Variants in MARCHF1 observed in about 807,000 individuals in gnomAD.
MARCHF1 encodes E3 ubiquitin-protein ligase MARCHF1.
A neutral mutation model predicts 54.2 loss-of-function variants in MARCHF1; 40 were observed. The ratio of observed to expected loss-of-function variants is 0.74; its 90% CI spans 0.57 to 0.96. MARCHF1 has a LOEUF of 0.96. Ranked by LOEUF, MARCHF1 falls within the 40% of genes least tolerant of loss-of-function variation. The pLI, the probability that MARCHF1 is intolerant of heterozygous loss-of-function variation, is 0.00. For synonymous variants in MARCHF1, 236 were observed against 236.3 expected (o/e 1.00, Z 0.01); for missense variants, 586 against 656.5 (o/e 0.89, Z 1.17).
intron 3 of MARCHF1, among the ~76,000 whole-genome samples, chr4:163,905,294 G>A (rs564493693): frequency 5.3e-5 from 8 of 151,962 alleles, no homozygotes; most frequent in African/African-American, 1.7e-4. Flanking sequence ...AATACTTATC[G>A]AGTGCCCAAT....
intron 1 of MARCHF1, among the ~76,000 whole-genome samples, chr4:164,211,010 T>C (rs2111117537): frequency 6.6e-6 from 1 of 151,714 alleles, no homozygotes; most frequent in Middle Eastern, 3.4e-3. Flanking sequence ...AAGAGTAAAA[T>C]TCATAAAAGC....
intron 1 of MARCHF1, among the ~76,000 whole-genome samples, chr4:164,263,620 A>T (rs202198022): frequency 3.5e-5 from 3 of 85,380 alleles, no homozygotes; most frequent in Non-Finnish European, 9.8e-5. Context: ...TTAATAATAA[A>T]AACATTTCGA....
intron 5 of MARCHF1, among the ~76,000 whole-genome samples, chr4:163,676,938 G>A (rs1743939396): frequency 6.6e-6 from 1 of 151,748 alleles, no homozygotes; most frequent in South Asian, 2.1e-4. Context: ...AAAAAGCCAG[G>A]GTAGTGATTT....
chr4:163,847,267 C>T (rs868109589), intron 4 of MARCHF1, among the ~76,000 whole-genome samples: 1 of 151,782 alleles, frequency 6.6e-6, no homozygotes, highest in African/African-American at 2.4e-5. Context: ...AATACATCTA[C>T]TCTACTTTGA....
intron 1 of MARCHF1, among the ~76,000 whole-genome samples, chr4:164,179,402 A>AAG (rs765205415): frequency 0.15 from 22,092 of 152,144 alleles, 2,148 homozygotes; most frequent in African/African-American, 0.26. Flanking sequence ...AAAGTATGTA[A>AAG]TACTTGAACA....
At chr4:163,980,482 A>G (rs1285271488) in intron 3 of MARCHF1, among the ~76,000 whole-genome samples, 2 of 151,784 alleles carry the variant, frequency 1.3e-5, no homozygotes, top group African/African-American at 4.8e-5. Flanking sequence ...CCAAAACACC[A>G]AAAGCAATGG....
At chr4:164,098,439 T>A (rs1462416776) in intron 2 of MARCHF1, among the ~76,000 whole-genome samples, 1 of 152,126 alleles carries the variant, frequency 6.6e-6, no homozygotes, top group Admixed American at 6.5e-5. Context: ...TATTGAAGAG[T>A]AGCCCTAAAA....
At chr4:164,326,831 A>T (rs1323579704) in intron 1 of MARCHF1, among the ~76,000 whole-genome samples, 1 of 152,114 alleles carries the variant, frequency 6.6e-6, no homozygotes, top group Non-Finnish European at 1.5e-5. Context: ...CTGTAGTCTA[A>T]TTTCAGATTT....
At chr4:164,162,061 T>C (rs1730254145) in intron 1 of MARCHF1, among the ~76,000 whole-genome samples, 1 of 152,092 alleles carries the variant, frequency 6.6e-6, no homozygotes, top group African/African-American at 2.4e-5. Context: ...CGAAAACAGC[T>C]ATCTGCAGAT....
At chr4:164,013,615 C>A (rs926250407) in intron 2 of MARCHF1, among the ~76,000 whole-genome samples, 5 of 151,924 alleles carry the variant, frequency 3.3e-5, no homozygotes, top group Admixed American at 6.6e-5. Flanking sequence ...GTCAAGGATA[C>A]AGAAAGGATC....
At chr4:163,650,373 C>T (rs1742922210) in intron 5 of MARCHF1, among the ~76,000 whole-genome samples, 1 of 151,926 alleles carries the variant, frequency 6.6e-6, no homozygotes, top group Admixed American at 6.6e-5. Context: ...GACTTTGTGG[C>T]AGGACTTTGG....
chr4:163,921,466 A>C (rs1381384722), intron 3 of MARCHF1, among the ~76,000 whole-genome samples: 1 of 152,170 alleles, frequency 6.6e-6, no homozygotes, highest in Non-Finnish European at 1.5e-5. Context: ...ACTCTAAGAA[A>C]TTAAAAAATT....
intron 2 of MARCHF1, among the ~76,000 whole-genome samples, chr4:164,107,468 C>G (rs1193231242): frequency 6.6e-6 from 1 of 151,962 alleles, no homozygotes; most frequent in African/African-American, 2.4e-5. Context: ...TCAAGCAGTC[C>G]TCTCCCCACT....
At chr4:164,265,213 A>G (rs1415853471) in intron 1 of MARCHF1, among the ~76,000 whole-genome samples, 2 of 152,276 alleles carry the variant, frequency 1.3e-5, no homozygotes, top group East Asian at 3.9e-4. Flanking sequence ...GATACAAACT[A>G]TTGACAATAA....
chr4:163,676,953 A>G (rs1302754063), intron 5 of MARCHF1, among the ~76,000 whole-genome samples: 1 of 152,128 alleles, frequency 6.6e-6, no homozygotes, highest in African/African-American at 2.4e-5. Context: ...TGATTTTAAA[A>G]TAGAAGAAAA....
At chr4:164,002,869 T>C (rs1753213049) in intron 2 of MARCHF1, among the ~76,000 whole-genome samples, 1 of 151,868 alleles carries the variant, frequency 6.6e-6, no homozygotes, top group Admixed American at 6.6e-5. Context: ...CCTACCAACT[T>C]ATCTTTAGTA....
chr4:163,817,016 G>A (rs1424525681), intron 4 of MARCHF1, among the ~76,000 whole-genome samples: 1 of 152,044 alleles, frequency 6.6e-6, no homozygotes, highest in Non-Finnish European at 1.5e-5. Context: ...CTCTGTCTCT[G>A]CTCTTTCAGA....
chr4:164,033,937 G>A (rs1207850520), intron 2 of MARCHF1, among the ~76,000 whole-genome samples: 1 of 152,016 alleles, frequency 6.6e-6, no homozygotes, highest in African/African-American at 2.4e-5. Flanking sequence ...TATACCCAAA[G>A]GAATATAAAT....
intron 3 of MARCHF1, among the ~76,000 whole-genome samples, chr4:163,969,394 C>G (rs1449087869): frequency 6.6e-6 from 1 of 152,004 alleles, no homozygotes; most frequent in South Asian, 2.1e-4. Context: ...TCAAAGAGAT[C>G]CTTGTCAGTG....
Sources: gnomAD v4.1 joint callset for allele counts (sites outside exome capture counted in the v4.1 genomes callset) on GRCh38, gnomAD v4.1.1 for gene constraint, MANE v1.5 for transcripts, NCBI Gene and HGNC (gene_info 2026-07-23, HGNC 2026-07-21) for gene names.